Variants in AP2B1 observed in about 807,000 individuals in gnomAD.
The protein encoded by AP2B1 is adaptor related protein complex 2 subunit beta 1, also known as AP-2 complex subunit beta.
A neutral mutation model predicts 102.0 loss-of-function variants in AP2B1; 23 were observed. The ratio of observed to expected loss-of-function variants is 0.23; its 90% CI spans 0.16 to 0.32. The LOEUF (loss-of-function observed/expected upper bound fraction) is 0.32. AP2B1 is among the 10% of genes least tolerant of loss of function. AP2B1 has a pLI of 1.00. For synonymous variants in AP2B1, 381 were observed against 421.2 expected (o/e 0.90, Z 1.17); for missense variants, 541 against 1,157.4 (o/e 0.47, Z 7.73).
Position 35,641,949 on chromosome 17 carries a change from C to T in AP2B1, c.1510C>T (p.Gln504Ter). 1 of 1,612,206 alleles carries T rather than the reference C, an allele frequency of 6.2e-7. No homozygotes were observed. The highest frequency in any genetic ancestry group is 8.5e-7 in the Non-Finnish European group (1 of 1,178,500). The change falls in exon 12 of 22, where the codon CAG (glutamine) becomes TAG (stop). Residue 504 changes from glutamine to a stop codon, truncating the protein, a stop_gained. Transcript: ENST00000610402. LOFTEE classifies it high-confidence loss of function. The stretch of plus-strand genomic sequence containing the variant: ...ACCATCAGAAACACAGGAGCTAGTC[C>T]AGCAGGTCTTGAGTTTGGCAACACA... ...KKPSETQELV[Q>*]QVLSLATQDS...
intron 21 of AP2B1, among the ~76,000 whole-genome samples, chr17:35,720,634 G>C (rs1352820523): frequency 8.0e-6 from 1 of 124,742 alleles, no homozygotes; most frequent in African/African-American, 3.2e-5. Context: ...TGTTGTGCAG[G>C]CTATCTCAAA....
At chr17:35,686,671 T>C (rs2075938609) in intron 18 of AP2B1, among the ~76,000 whole-genome samples, 1 of 152,118 alleles carries the variant, frequency 6.6e-6, no homozygotes, top group Non-Finnish European at 1.5e-5. Flanking sequence ...CTACAATTAT[T>C]TAAGAAAAAC....
intron 1 of AP2B1, among the ~76,000 whole-genome samples, chr17:35,592,509 TGCCTGAGCCACCGC>T (rs1182892981): frequency 6.6e-6 from 1 of 151,992 alleles, no homozygotes; most frequent in African/African-American, 2.4e-5. Flanking sequence ...CATGCCACCA[TGCCTGAGCCACCGC>T]GCCTGGCCCA....
chr17:35,710,228 A>G lies in AP2B1; in HGVS notation c.2540-6A>G. On this transcript the variant is annotated splice_polypyrimidine_tract_variant and splice_region_variant and intron_variant, in intron 19 of 21. Coordinates refer to ENST00000610402, the MANE Select transcript of AP2B1 (RefSeq NM_001030006.2). Reference sequence around the variant, plus strand: ...ATCCATCCTTCCCCTCTGCTTTCCCATACAGAGCGCCAGGTCTTCCTTGCA... The same window carrying G: ...ATCCATCCTTCCCCTCTGCTTTCCCGTACAGAGCGCCAGGTCTTCCTTGCA... 2 of 1,608,592 alleles carry G rather than the reference A, an allele frequency of 1.2e-6. No individual in the cohort carries two copies. Among genetic ancestry groups the G allele is most frequent in the Non-Finnish European group, 1.7e-6 (2 of 1,175,164 alleles).
intron 2 of AP2B1, among the ~76,000 whole-genome samples, chr17:35,595,973 C>T (rs925606167): frequency 6.6e-6 from 1 of 151,002 alleles, no homozygotes; most frequent in Non-Finnish European, 1.5e-5. Context: ...TGAAAAGTGT[C>T]CTGGTGACCT....
rs1301584934 is a variant in AP2B1, at chr17:35,639,324, A to C, written c.1272-271A>C. 2.0e-5 allele frequency among the ~76,000 whole-genome samples: 3 copies of C among 152,150 alleles called. No individual in the cohort carries two copies. The East Asian group carries it at 5.8e-4, about 29-fold the overall frequency. On this transcript the variant is annotated intron_variant, in intron 10 of 21. Transcript: ENST00000610402. ...CTCTAGCCTGGGTGACAAGAGTGAGACCCTGTCTCCCTGTCTCAAAAAACA... is the reference window on the plus strand; with the variant it reads ...CTCTAGCCTGGGTGACAAGAGTGAGCCCCTGTCTCCCTGTCTCAAAAAACA...
chr17:35,592,348 T>C (rs934247971), intron 1 of AP2B1, among the ~76,000 whole-genome samples: 1 of 151,974 alleles, frequency 6.6e-6, no homozygotes, highest in Non-Finnish European at 1.5e-5. Context: ...AAAAAATATA[T>C]GTATATTTAT....
chr17:35,599,212 C>G (rs1482251336), intron 3 of AP2B1, among the ~76,000 whole-genome samples: 1 of 152,182 alleles, frequency 6.6e-6, no homozygotes, highest in African/African-American at 2.4e-5. Context: ...AGAAAAAACC[C>G]TTGTGCAGTT....
At chr17:35,643,454 T>C (rs2074842295) in intron 12 of AP2B1, among the ~76,000 whole-genome samples, 1 of 152,210 alleles carries the variant, frequency 6.6e-6, no homozygotes, top group Non-Finnish European at 1.5e-5. Context: ...TTAAAGCCTA[T>C]GTGATTGTAT....
intron 9 of AP2B1, among the ~76,000 whole-genome samples, chr17:35,634,399 G>A (rs1486072714): frequency 1.3e-5 from 2 of 152,082 alleles, no homozygotes; most frequent in African/African-American, 4.8e-5. Flanking sequence ...TGTACTTCCT[G>A]TTGCATCTTA....
chr17:35,682,332 C>A (rs2075839185), intron 17 of AP2B1, among the ~76,000 whole-genome samples: 1 of 139,990 alleles, frequency 7.1e-6, no homozygotes, highest in Non-Finnish European at 1.5e-5. Context: ...AAAATCCTGC[C>A]TCTTTTTTTT....
At position 35,725,037 on chromosome 17, in the gene AP2B1, T is replaced by A. The variant is rs2085496731; in HGVS notation, c.*1338T>A. ...AGATGTTGCAAATGCTCTTTATCCC[T>A]TCAGCTCTCTGATCTGCTCTTTCTT... On this transcript the variant is annotated 3_prime_UTR_variant, in exon 22 of 22. Transcript: ENST00000610402. The A allele has an allele frequency of 6.6e-6, 1 of 152,204 alleles. No individual in the cohort carries two copies. Among genetic ancestry groups the A allele is most frequent in the South Asian group, 2.1e-4 (1 of 4,832 alleles). The allele number at this position is 152,204 out of a possible 1,614,324, so 9.4% of individuals were successfully genotyped here.
At chr17:35,657,473 C>CA (rs2142877395) in intron 13 of AP2B1, 126 bp from the exon 14 acceptor site, 1 of 619,248 alleles carries the variant, frequency 1.6e-6, no homozygotes, top group Non-Finnish European at 2.6e-6. Flanking sequence ...GTTATAAAAT[C>CA]AGAGAGTTTT....
intron 5 of AP2B1, among the ~76,000 whole-genome samples, chr17:35,612,053 T>A (rs868331059): frequency 6.6e-6 from 1 of 152,206 alleles, no homozygotes; most frequent in African/African-American, 2.4e-5. Context: ...ATACCTCATA[T>A]TTTGTTGTCT....
chr17:35,682,588 C>T (rs1162482385), intron 17 of AP2B1, 107 bp from the exon 18 acceptor site: 9 of 1,126,146 alleles, frequency 8.0e-6, no homozygotes, highest in Non-Finnish European at 1.1e-5. Context: ...AGGTGATTCA[C>T]CCACCTCAGC....
intron 14 of AP2B1, among the ~76,000 whole-genome samples, chr17:35,662,740 G>C (rs7208672): frequency 6.6e-6 from 1 of 151,986 alleles, no homozygotes; most frequent in African/African-American, 2.4e-5. Context: ...TTGAATCTCA[G>C]TTATTTTCTT....
intron 16 of AP2B1, among the ~76,000 whole-genome samples, chr17:35,673,150 C>T (rs1482134946): frequency 6.6e-6 from 1 of 152,140 alleles, no homozygotes; most frequent in Non-Finnish European, 1.5e-5. Context: ...GATTATTCAC[C>T]ACCCACAGAT....
chr17:35,717,521 G>T (rs186662694), intron 21 of AP2B1, among the ~76,000 whole-genome samples, 172 bp downstream of exon 21: 1 of 152,192 alleles, frequency 6.6e-6, no homozygotes, highest in African/African-American at 2.4e-5. Flanking sequence ...CCTCCTCTCT[G>T]CAGTGTCTGC....
intron 5 of AP2B1, among the ~76,000 whole-genome samples, chr17:35,611,056 CA>C (rs1313329142): frequency 3.9e-5 from 6 of 152,120 alleles, no homozygotes; most frequent in Admixed American, 6.5e-5. Context: ...GCCTGAGTGA[CA>C]AAGACAGACC....
Sources: gnomAD v4.1 joint callset for allele counts (sites outside exome capture counted in the v4.1 genomes callset) on GRCh38, gnomAD v4.1.1 for gene constraint, MANE v1.5 for transcripts, NCBI Gene and HGNC (gene_info 2026-07-23, HGNC 2026-07-21) for gene names.